Variants in EXOC7 observed in about 807,000 individuals in gnomAD.
EXOC7 encodes exocyst complex component 7.
EXOC7 carries 51 observed loss-of-function variants against 87.6 expected under a neutral mutation model. The observed-to-expected ratio is 0.58, with a 90% CI of 0.46 to 0.73. The LOEUF (loss-of-function observed/expected upper bound fraction) is 0.73, where lower values mean the gene tolerates loss of function less well. Ranked by LOEUF, EXOC7 falls within the 30% of genes least tolerant of loss-of-function variation. The probability of loss-of-function intolerance (pLI) is 0.00; values close to 1 mark genes in which losing one functional copy is unlikely to be tolerated. For synonymous variants in EXOC7, 327 were observed against 357.1 expected (o/e 0.92, Z 0.95); for missense variants, 744 against 888.4 (o/e 0.84, Z 2.07).
chr17:76,084,909 G>C (rs565087978), intron 15 of EXOC7, among the ~76,000 whole-genome samples: 1 of 152,188 alleles, frequency 6.6e-6, no homozygotes, highest in Non-Finnish European at 1.5e-5. Flanking sequence ...GGAAGAGGTA[G>C]ACACATTCAA....
chr17:76,088,224 A>G, intron 10 of EXOC7, 102 bp from the exon 11 acceptor site: 1 of 1,270,148 alleles, frequency 7.9e-7, no homozygotes. Context: ...GGGTGCTAGG[A>G]CACCTCTCAG....
At position 76,097,068 on chromosome 17, in the gene EXOC7, G is replaced by A. The variant is rs1027147536; in HGVS notation, c.640+728C>T. On this transcript the variant is annotated intron_variant, in intron 5 of 18. Coordinates refer to ENST00000589210, the MANE Select transcript of EXOC7 (RefSeq NM_001013839.4). ...GGTTTTGCCATGTTGGCCAGGTCTC[G>A]AACTCCTGAGCTGAAGCGATCCACT... is the stretch of plus-strand genomic sequence containing the variant. Among the ~76,000 whole-genome samples the A allele has an allele frequency of 5.9e-5, 9 of 152,014 alleles. No individual in the cohort carries two copies. In the South Asian group the frequency reaches 8.3e-4, roughly 14 times the overall value.
chr17:76,091,213 G>A lies in EXOC7; in HGVS notation c.831C>T (p.Asn277=), dbSNP rs751273207. Residue 277 remains asparagine, a synonymous_variant, in exon 7 of 19, where the codon AAC becomes AAT. Transcript: ENST00000589210. ...CATGCTGGGAATACTGTTTCAGAAG[G>A]TTCTGAGCCTTACGGATCGTCCCTG... ...KRPGTIRKAQ[N]LLKQYSQHGL... 9 of 1,614,116 alleles carry A rather than the reference G, an allele frequency of 5.6e-6. No individual in the cohort carries two copies. The highest frequency in any genetic ancestry group is 7.6e-6 in the Non-Finnish European group (9 of 1,180,000).
chr17:76,090,960 G>C, intron 7 of EXOC7, 183 bp downstream of exon 7: 4 of 643,324 alleles, frequency 6.2e-6, no homozygotes, highest in Non-Finnish European at 1.1e-5. Context: ...GAGAGGACCA[G>C]GCCGAGGGCT....
intron 4 of EXOC7, among the ~76,000 whole-genome samples, chr17:76,098,822 C>T (rs1040344838): frequency 3.4e-5 from 5 of 146,086 alleles, no homozygotes; most frequent in Non-Finnish European, 5.9e-5. Flanking sequence ...GCCAAGATTG[C>T]GTCACTGCAC....
chr17:76,084,690 G>T, intron 15 of EXOC7, 110 bp from the exon 16 acceptor site: 1 of 891,862 alleles, frequency 1.1e-6, no homozygotes, highest in Non-Finnish European at 1.8e-6. Context: ...GGTAGGAAGG[G>T]ATGTGGGTCA....
Position 76,088,179 on chromosome 17 carries a change from AG to A in EXOC7, c.1300-58del, listed in dbSNP as rs1320634848. 23 of 1,556,514 alleles carry A rather than the reference AG, an allele frequency of 1.5e-5. No homozygotes were observed. In the Admixed American group the frequency reaches 4.0e-4, roughly 27 times the overall value. On this transcript the variant is annotated intron_variant, in intron 10 of 18. Transcript: ENST00000589210. The stretch of plus-strand genomic sequence containing the variant: ...CAGCCCCCAGCCCACCCCATGCCCC[AG>A]TGCACCTGCTCATGGTGCCGCCTCC...
intron 1 of EXOC7, 44 bp from the exon 2 acceptor site, chr17:76,103,470 A>G (rs369541818): frequency 1.0e-5 from 16 of 1,566,168 alleles, no homozygotes; most frequent in Non-Finnish European, 1.4e-5. Flanking sequence ...ACCAGAAGCT[A>G]AAGGAGACCA....
In EXOC7 at chr17:76,085,353, C is replaced by T. The variant is rs768692750; in HGVS notation, c.1673G>A (p.Arg558Gln). 1.4e-5 allele frequency: 23 copies of T among 1,609,188 alleles called. No homozygotes were observed. The highest frequency in any genetic ancestry group is 1.2e-4 in the Admixed American group (7 of 59,464). ...VTQKTAERSY[R>Q]EHIEQQIQTY... ...CTGGATCTGCTGCTCAATGTGCTCC[C>T]GGTAGGAGCGCTCAGCAGTCTTCTG... is the stretch of plus-strand genomic sequence containing the variant. Residue 558 changes from arginine (R) to glutamine (Q), a missense_variant, in exon 15 of 19, where the codon CGG becomes CAG. By Grantham distance (43) the Arg-to-Gln change is conservative. Around this residue, in one of 3 missense-constraint regions of EXOC7, gnomAD observed 228 missense variants for 298.6 expected, o/e 0.76. Coordinates refer to ENST00000589210, the MANE Select transcript of EXOC7 (RefSeq NM_001013839.4).
rs531372436 is a variant in EXOC7 at position 76,087,499 on chromosome 17, C to T, written c.1429+155G>A. The T allele has an allele frequency of 2.3e-4, 161 of 695,476 alleles. No individual in the cohort carries two copies. In the African/African-American group the frequency reaches 2.5e-3, roughly 11 times the overall value. The allele number at this position is 695,476 out of a possible 1,614,324, so 43.1% of individuals were successfully genotyped here. ...TCTTGAAAGGTGCAGGCAAACCTTG[C>T]TCTCCTGATGCTCAGCCCCAGGGAC... On this transcript the variant is annotated intron_variant, in intron 12 of 18. Transcript: ENST00000589210.
In EXOC7 at chr17:76,082,449, A is replaced by G; in HGVS notation, c.*1199T>C. ...CTTGAAGAACAGCTCCTTTCCCTGT[A>G]TCTCTCCCCACAGAGCCCTCCAGAG... is the stretch of plus-strand genomic sequence containing the variant. On this transcript the variant is annotated 3_prime_UTR_variant, in exon 19 of 19. Transcript: ENST00000589210. 6.3e-7 allele frequency: 1 copy of G among 1,589,794 alleles called. No individual in the cohort carries two copies. The highest frequency in any genetic ancestry group is 8.6e-7 in the Non-Finnish European group (1 of 1,167,208).
intron 7 of EXOC7, chr17:76,090,542 T>C (rs1263093869): frequency 6.7e-7 from 1 of 1,488,218 alleles, no homozygotes; most frequent in East Asian, 2.5e-5. Context: ...GAGAGGGCCC[T>C]GAGCCCCTCC....
intron 4 of EXOC7, among the ~76,000 whole-genome samples, chr17:76,098,428 A>G (rs2067887539): frequency 6.6e-6 from 1 of 151,482 alleles, no homozygotes; most frequent in Non-Finnish European, 1.5e-5. Context: ...GAGCCACTGC[A>G]CCTGGCCTGC....
intron 15 of EXOC7, 57 bp downstream of exon 15, chr17:76,085,257 A>G: frequency 7.3e-7 from 1 of 1,376,874 alleles, no homozygotes. Context: ...GCTGAGAAGG[A>G]AGAGTGCGTG....
chr17:76,087,181 G>C, intron 12 of EXOC7: 1 of 436,314 alleles, frequency 2.3e-6, no homozygotes, highest in South Asian at 2.3e-5. Flanking sequence ...CTCAGTGCTT[G>C]GAATGACCCA....
rs759614587 is a variant in EXOC7, at chr17:76,082,598, A to C, written c.*1050T>G. ...GGAATCTGGATGTGGGCAGCGTGCA[A>C]GTCTGACGCAGCCCCTGGAGAGGCT... On this transcript the variant is annotated 3_prime_UTR_variant, in exon 19 of 19. Coordinates refer to ENST00000589210, the MANE Select transcript of EXOC7 (RefSeq NM_001013839.4). The C allele has an allele frequency of 6.2e-7, 1 of 1,613,508 alleles. No homozygotes were observed. Among genetic ancestry groups the C allele is most frequent in the South Asian group, 1.1e-5 (1 of 91,076 alleles).
rs373954084 is a variant in EXOC7 at position 76,091,221 on chromosome 17, C to T, written c.823G>A (p.Ala275Thr). The change falls in exon 7 of 19, where the codon GCT becomes ACT. Residue 275 changes from alanine to threonine, a missense_variant. Transcript: ENST00000589210. ...PVKRPGTIRKAQNLLKQYSQH... is the reference protein window; with the variant it reads ...PVKRPGTIRKTQNLLKQYSQH... ...GAATACTGTTTCAGAAGGTTCTGAG[C>T]CTTACGGATCGTCCCTGTCACCAGA... is the stretch of plus-strand genomic sequence containing the variant. The T allele has an allele frequency of 6.2e-7, 1 of 1,613,996 alleles. No homozygotes were observed. The highest frequency in any genetic ancestry group is 1.3e-5 in the African/African-American group (1 of 74,890).
chr17:76,084,504 G>T lies in EXOC7; in HGVS notation c.1776+13C>A. ...TGCCAGACACCCCTTCCCAGCCCAGGTCTTGAGCCCACCTTGACTCCCGGC... is the reference window on the plus strand; with the variant it reads ...TGCCAGACACCCCTTCCCAGCCCAGTTCTTGAGCCCACCTTGACTCCCGGC... On this transcript the variant is annotated intron_variant, in intron 16 of 18. Coordinates refer to ENST00000589210, the MANE Select transcript of EXOC7 (RefSeq NM_001013839.4). The T allele has an allele frequency of 9.9e-6, 16 of 1,613,602 alleles. No individual in the cohort carries two copies. The highest frequency in any genetic ancestry group is 1.4e-5 in the Non-Finnish European group (16 of 1,179,798).
rs1224111662 is a variant in EXOC7 at position 76,081,190 on chromosome 17, A to C, written c.*2458T>G. On this transcript the variant is annotated 3_prime_UTR_variant, in exon 19 of 19. Coordinates refer to ENST00000589210, the MANE Select transcript of EXOC7 (RefSeq NM_001013839.4). ...CTGCCAAAAGCCATCAAAAGTCTCC[A>C]TCACCCCTGGGCTCCAGTCTGCTAC... The C allele has an allele frequency of 1.9e-6, 3 of 1,559,560 alleles. No individual in the cohort carries two copies. The highest frequency in any genetic ancestry group is 2.7e-5 in the African/African-American group (2 of 73,444).
Sources: gnomAD v4.1 joint callset for allele counts (sites outside exome capture counted in the v4.1 genomes callset) on GRCh38, gnomAD v4.1.1 for gene constraint, gnomAD v4.1.1 regional missense constraint, MANE v1.5 for transcripts, NCBI Gene and HGNC (gene_info 2026-07-23, HGNC 2026-07-21) for gene names.